DNAAF1: variants seen among roughly 807,000 people sequenced by gnomAD.
DNAAF1 encodes dynein assembly factor 1, axonemal.
A neutral mutation model predicts 71.1 loss-of-function variants in DNAAF1; 65 were observed. The observed-to-expected ratio is 0.91, with a 90% CI of 0.75 to 1.12. The LOEUF is 1.12. Ranked by LOEUF, DNAAF1 falls within the 50% of genes most tolerant of loss-of-function variation. The pLI, the probability that DNAAF1 is intolerant of heterozygous loss-of-function variation, is 0.00. For missense variants in DNAAF1, 1,178 were observed against 899.8 expected, an observed-to-expected ratio of 1.31 and a Z score of -3.96; for synonymous variants, 414 against 354.6, an observed-to-expected ratio of 1.17 and a Z score of -1.88.
At chr16:84,170,772 C>T (rs181225015) in intron 8 of DNAAF1, among the ~76,000 whole-genome samples, 30 of 152,224 alleles carry the variant, frequency 2.0e-4, no homozygotes, top group African/African-American at 7.0e-4. Context: ...GTTGAGGCTG[C>T]AGTGAGCCAA....
At chr16:84,156,724 G>C (rs11643042) in intron 5 of DNAAF1, among the ~76,000 whole-genome samples, 70,320 of 152,050 alleles carry the variant, frequency 0.46, 16,810 homozygotes, top group East Asian at 0.72. Context: ...CTTCTACAAA[G>C]AGCTTTCATT....
Position 84,154,738 on chromosome 16 carries a change from C to G in DNAAF1, c.514C>G (p.Leu172Val), listed in dbSNP as rs886052367. 1.9e-6 allele frequency: 3 copies of G among 1,614,166 alleles called. No individual in the cohort carries two copies. Among genetic ancestry groups the G allele is most frequent in the Non-Finnish European group, 1.7e-6 (2 of 1,180,018 alleles). Residue 172 changes from leucine (L) to valine (V), a missense_variant, in exon 4 of 12, where the codon CTG (leucine) becomes GTG (valine). Leu to Val is a conservative substitution (Grantham distance 32, BLOSUM62 1). Transcript: ENST00000378553. ...CCGTAAAATTGAGAACCTGGAACCT[C>G]TGCAGAAACTGGATGCTCTTAACCT... ...LLRKIENLEPLQKLDALNLSN... is the reference protein window; with the variant it reads ...LLRKIENLEPVQKLDALNLSN...
At chr16:84,147,316 C>G (rs901175294) in intron 1 of DNAAF1, among the ~76,000 whole-genome samples, 2 of 152,174 alleles carry the variant, frequency 1.3e-5, no homozygotes, top group African/African-American at 4.8e-5. Flanking sequence ...AACCAGTCCC[C>G]ACACGCACAG....
chr16:84,147,594 G>A (rs2086971952), intron 1 of DNAAF1, among the ~76,000 whole-genome samples: 2 of 151,992 alleles, frequency 1.3e-5, no homozygotes, highest in South Asian at 4.2e-4. Context: ...GAGTAGCTGG[G>A]ACTACAGGCA....
intron 11 of DNAAF1, chr16:84,177,282 TG>T (rs1210870210): frequency 3.9e-6 from 1 of 256,572 alleles, no homozygotes. Context: ...AATTTGTTTT[TG>T]TTTGTTTTGT....
chr16:84,166,009 C>A, intron 7 of DNAAF1, 60 bp downstream of exon 7: 3 of 1,576,966 alleles, frequency 1.9e-6, no homozygotes, highest in Non-Finnish European at 2.6e-6. Flanking sequence ...CAAGTCTAAG[C>A]TCTCAAACCC....
chr16:84,155,112 G>A (rs919306987), intron 4 of DNAAF1, among the ~76,000 whole-genome samples: 2 of 152,160 alleles, frequency 1.3e-5, no homozygotes, highest in African/African-American at 4.8e-5. Flanking sequence ...GTTTCACCGT[G>A]TTAGCCAGGA....
In DNAAF1 at chr16:84,176,193, G is replaced by C. The variant is rs1461286846; in HGVS notation, c.1959G>C (p.Glu653Asp). The change falls in exon 11 of 12, where the codon GAG (glutamate) becomes GAC (aspartate). Residue 653 changes from glutamate (E) to aspartate (D), a missense_variant. Glu to Asp is a conservative substitution (Grantham distance 45). Transcript: ENST00000378553. ...CCCTGATCCAGGAGCTCAGCGACGAGGACCCCTCTGGCCAGCTACTGATGC... is the reference window on the plus strand; with the variant it reads ...CCCTGATCCAGGAGCTCAGCGACGACGACCCCTCTGGCCAGCTACTGATGC... ...PRPLIQELSD[E>D]DPSGQLLMPP... 2 of 1,613,804 alleles carry C rather than the reference G, an allele frequency of 1.2e-6. No homozygotes were observed. Among genetic ancestry groups the C allele is most frequent in the South Asian group, 1.1e-5 (1 of 91,090 alleles).
chr16:84,163,766 TG>T (rs1334551200), intron 6 of DNAAF1, among the ~76,000 whole-genome samples: 1 of 152,188 alleles, frequency 6.6e-6, no homozygotes, highest in Non-Finnish European at 1.5e-5. Context: ...ATAATGATGT[TG>T]AGCACGTTTC....
intron 3 of DNAAF1, among the ~76,000 whole-genome samples, chr16:84,151,757 C>T (rs2087194825): frequency 6.6e-6 from 1 of 152,222 alleles, no homozygotes; most frequent in Non-Finnish European, 1.5e-5. Flanking sequence ...CTCACTCATT[C>T]GATGGCTTGA....
intron 7 of DNAAF1, among the ~76,000 whole-genome samples, chr16:84,169,036 T>C (rs1347268111): frequency 6.6e-6 from 1 of 151,788 alleles, no homozygotes; most frequent in African/African-American, 2.4e-5. Flanking sequence ...CTCCCATTAT[T>C]ATCCATTATA....
At chr16:84,156,834 CT>C (rs1417229713) in intron 5 of DNAAF1, among the ~76,000 whole-genome samples, 2 of 147,530 alleles carry the variant, frequency 1.4e-5, no homozygotes, top group African/African-American at 5.0e-5. Context: ...CTTTCCTTTC[CT>C]TTTCTTTCTT....
In DNAAF1 at chr16:84,157,247, G is replaced by T. The variant is rs185003269; in HGVS notation, c.741+1498G>T. Among the ~76,000 whole-genome samples the T allele has an allele frequency of 3.3e-5, 5 of 152,102 alleles. 1 individual carries two copies. In the East Asian group the frequency reaches 9.7e-4, roughly 29 times the overall value. ...GTTCAAATTTTCCCATCCAGGTGAG[G>T]TATGGTGGCCCACACCTGTAATCCC... On this transcript the variant is annotated intron_variant, in intron 5 of 11. Coordinates refer to ENST00000378553, the MANE Select transcript of DNAAF1 (RefSeq NM_178452.6).
chr16:84,175,552 G>A (rs538423523), intron 10 of DNAAF1: 3,226 of 279,816 alleles, frequency 0.012, 28 homozygotes, highest in Non-Finnish European at 0.017. Context: ...CAGCAGCAAA[G>A]AAAACAGACA....
Position 84,170,088 on chromosome 16 carries a change from C to G in DNAAF1, c.1260C>G (p.Thr420=). 6.3e-7 allele frequency: 1 copy of G among 1,591,024 alleles called. No homozygotes were observed. Residue 420 remains threonine, a synonymous_variant, in exon 8 of 12, where the codon ACC becomes ACG. Coordinates refer to ENST00000378553, the MANE Select transcript of DNAAF1 (RefSeq NM_178452.6). The part of the protein sequence containing the change: ...PEPEGTLPAE[T]LLLSSPVEVK... ...CAGAGGGGACCCTCCCAGCTGAGAC[C>G]CTGCTACTGTCGTCACCTGTGGAGG...
At chr16:84,176,417 C>T in intron 11 of DNAAF1, 118 bp downstream of exon 11, 1 of 1,431,454 alleles carries the variant, frequency 7.0e-7, no homozygotes, top group Non-Finnish European at 9.7e-7. Flanking sequence ...GAGGGGTCAC[C>T]CAGGACAGAC....
intron 2 of DNAAF1, among the ~76,000 whole-genome samples, chr16:84,149,919 G>A (rs146734207): frequency 0.042 from 6,305 of 151,878 alleles, 376 homozygotes; most frequent in African/African-American, 0.14. Flanking sequence ...CAGCTACTCG[G>A]GAGGCTGAGG....
intron 1 of DNAAF1, among the ~76,000 whole-genome samples, chr16:84,148,786 T>C (rs1270565782): frequency 1.3e-5 from 2 of 151,004 alleles, no homozygotes; most frequent in Non-Finnish European, 2.9e-5. Context: ...GATGGGGTTT[T>C]GTCATGTTGC....
intron 2 of DNAAF1, 106 bp downstream of exon 2, chr16:84,149,248 C>T (rs2151206997): frequency 2.1e-6 from 3 of 1,422,660 alleles, no homozygotes; most frequent in East Asian, 2.3e-5. Context: ...GATTGAATTG[C>T]CTGCCCAATG....
Sources: gnomAD v4.1 joint callset for allele counts (sites outside exome capture counted in the v4.1 genomes callset) on GRCh38, gnomAD v4.1.1 for gene constraint, MANE v1.5 for transcripts, NCBI Gene and HGNC (gene_info 2026-07-23, HGNC 2026-07-21) for gene names.